Variants in MAP4K3 observed in about 807,000 individuals in gnomAD.
MAP4K3 encodes MAPK/ERK kinase kinase kinase 3.
A neutral mutation model predicts 143.5 loss-of-function variants in MAP4K3; 94 were observed. The observed-to-expected ratio is 0.65, with a 90% CI of 0.55 to 0.78. The LOEUF (loss-of-function observed/expected upper bound fraction) is 0.78. Ranked by LOEUF, MAP4K3 falls within the 30% of genes least tolerant of loss-of-function variation. The probability of loss-of-function intolerance (pLI) is 0.00; values close to 1 mark genes in which losing one functional copy is unlikely to be tolerated. For synonymous variants in MAP4K3, 416 were observed against 347.2 expected (o/e 1.20, Z -2.20); for missense variants, 1,077 against 1,068.1 (o/e 1.01, Z -0.12).
intron 16 of MAP4K3, among the ~76,000 whole-genome samples, chr2:39,298,705 T>C (rs543264295): frequency 6.6e-6 from 1 of 152,296 alleles, no homozygotes; most frequent in South Asian, 2.1e-4. Flanking sequence ...GGCTCACACC[T>C]GTAATCTTAG....
chr2:39,369,193 G>GTTTTTTTTTTT (rs1553419595), intron 2 of MAP4K3, among the ~76,000 whole-genome samples: 2 of 37,968 alleles, frequency 5.3e-5, no homozygotes, highest in African/African-American at 1.2e-4. Context: ...CTTTGGGCTA[G>GTTTTTTTTTTT]TTTTTTTTTT....
At position 39,437,138 on chromosome 2, in the gene MAP4K3, C is replaced by G; in HGVS notation, c.-151G>C. ...ACGCTGCGGCCGCCGCCGCCGCCGC[C>G]GCTCCCCTCACGCCGCTGCGGACGA... On this transcript the variant is annotated 5_prime_UTR_variant, in exon 1 of 34. Coordinates refer to ENST00000263881, the MANE Select transcript of MAP4K3 (RefSeq NM_003618.4). The G allele has an allele frequency of 2.1e-6, 1 of 472,052 alleles. No individual in the cohort carries two copies. The highest frequency in any genetic ancestry group is 3.6e-6 in the Non-Finnish European group (1 of 279,250). The allele number at this position is 472,052 out of a possible 1,614,324, so 29.2% of individuals were successfully genotyped here. A position where few individuals can be genotyped will look rare whatever the true frequency, so the allele number is the denominator to read the frequency against.
At chr2:39,312,328 A>G (rs1309753090) in intron 13 of MAP4K3, among the ~76,000 whole-genome samples, 1 of 152,198 alleles carries the variant, frequency 6.6e-6, no homozygotes, top group Non-Finnish European at 1.5e-5. Flanking sequence ...ACTGAGATAC[A>G]AGCAGAGGAA....
chr2:39,313,837 T>TA, intron 13 of MAP4K3, among the ~76,000 whole-genome samples: 1 of 152,190 alleles, frequency 6.6e-6, no homozygotes, highest in African/African-American at 2.4e-5. Flanking sequence ...TGAAATAGCA[T>TA]ACACATGCAT....
At chr2:39,360,907 T>C (rs1665751829) in intron 2 of MAP4K3, among the ~76,000 whole-genome samples, 2 of 152,138 alleles carry the variant, frequency 1.3e-5, no homozygotes, top group African/African-American at 4.8e-5. Context: ...AAATGAGATT[T>C]GGGTGGGAAC....
intron 1 of MAP4K3, among the ~76,000 whole-genome samples, chr2:39,389,429 C>T (rs1024661235): frequency 2.0e-5 from 3 of 152,086 alleles, no homozygotes; most frequent in African/African-American, 7.2e-5. Context: ...GACAAAACCT[C>T]AGATTCAGAA....
chr2:39,280,962 C>T (rs1422867207), intron 22 of MAP4K3, among the ~76,000 whole-genome samples: 2 of 152,132 alleles, frequency 1.3e-5, no homozygotes, highest in Non-Finnish European at 2.9e-5. Context: ...AGTCCATTTA[C>T]AAACTTTTCA....
intron 2 of MAP4K3, among the ~76,000 whole-genome samples, chr2:39,364,396 T>C (rs757534091): frequency 2.3e-4 from 35 of 152,238 alleles, no homozygotes; most frequent in Non-Finnish European, 1.3e-4. Context: ...AGGTATCATG[T>C]GACGTGTTTT....
chr2:39,410,840 C>A (rs1667214460), intron 1 of MAP4K3, among the ~76,000 whole-genome samples: 1 of 152,136 alleles, frequency 6.6e-6, no homozygotes, highest in Non-Finnish European at 1.5e-5. Flanking sequence ...GGTACAATGA[C>A]ATCAAAGGCA....
At chr2:39,366,458 GTTTCAGACGAAA>G (rs1280749151) in intron 2 of MAP4K3, among the ~76,000 whole-genome samples, 4 of 152,200 alleles carry the variant, frequency 2.6e-5, no homozygotes, top group Non-Finnish European at 4.4e-5. Flanking sequence ...AGACGTAAAT[GTTTCAGACGAAA>G]TTTCAGACGA....
At chr2:39,353,176 T>G (rs968386973) in intron 3 of MAP4K3, among the ~76,000 whole-genome samples, 1 of 152,180 alleles carries the variant, frequency 6.6e-6, no homozygotes, top group Admixed American at 6.5e-5. Context: ...TATACCCCAC[T>G]TCATTTTCTC....
intron 3 of MAP4K3, 146 bp downstream of exon 3, chr2:39,356,103 G>C (rs1357798818): frequency 1.7e-6 from 1 of 582,558 alleles, no homozygotes; most frequent in Non-Finnish European, 3.0e-6. Flanking sequence ...TAGGTCCTAA[G>C]TAAAAATTCC....
At chr2:39,423,759 G>A (rs1328197738) in intron 1 of MAP4K3, among the ~76,000 whole-genome samples, 1 of 152,164 alleles carries the variant, frequency 6.6e-6, no homozygotes, top group African/African-American at 2.4e-5. Flanking sequence ...CCTGGAGTTG[G>A]GCAGAGGAGA....
chr2:39,391,836 G>A lies in MAP4K3; in HGVS notation c.97-13713C>T, dbSNP rs373619951. 7.2e-5 allele frequency among the ~76,000 whole-genome samples: 11 copies of A among 152,186 alleles called. No homozygotes were observed. In the East Asian group the frequency reaches 2.1e-3, roughly 29 times the overall value. The stretch of plus-strand genomic sequence containing the variant: ...GCATTTCTGCACATGGAGTTGGGAG[G>A]AGATGCTCGTAATCTCGCTGGTACA... On this transcript the variant is annotated intron_variant, in intron 1 of 33. Coordinates refer to ENST00000263881, the MANE Select transcript of MAP4K3 (RefSeq NM_003618.4).
chr2:39,404,906 C>A (rs1347272148), intron 1 of MAP4K3, among the ~76,000 whole-genome samples: 4 of 152,108 alleles, frequency 2.6e-5, no homozygotes, highest in Non-Finnish European at 4.4e-5. Flanking sequence ...CAGGCTTGAG[C>A]CACCACACCC....
intron 1 of MAP4K3, among the ~76,000 whole-genome samples, chr2:39,415,718 G>A (rs767031955): frequency 3.3e-5 from 5 of 151,268 alleles, no homozygotes; most frequent in Admixed American, 6.6e-5. Flanking sequence ...TTGGAAGGCC[G>A]AGGTGGGTGG....
intron 26 of MAP4K3, among the ~76,000 whole-genome samples, chr2:39,268,822 T>C (rs1317888657): frequency 6.6e-6 from 1 of 152,024 alleles, no homozygotes; most frequent in Non-Finnish European, 1.5e-5. Context: ...GTACTTTTAG[T>C]AGAGACGGGG....
At chr2:39,276,511 T>C (rs952899931) in intron 24 of MAP4K3, among the ~76,000 whole-genome samples, 2 of 152,214 alleles carry the variant, frequency 1.3e-5, no homozygotes, top group Non-Finnish European at 2.9e-5. Flanking sequence ...TGGAGCTAGC[T>C]TGCCTAGGTT....
chr2:39,264,910 A>T (rs750547292), intron 28 of MAP4K3, among the ~76,000 whole-genome samples: 15 of 152,210 alleles, frequency 9.9e-5, no homozygotes, highest in Non-Finnish European at 2.1e-4. Context: ...GAGTGTATTC[A>T]AAATATTTCA....
Sources: gnomAD v4.1 joint callset for allele counts (sites outside exome capture counted in the v4.1 genomes callset) on GRCh38, gnomAD v4.1.1 for gene constraint, MANE v1.5 for transcripts, NCBI Gene and HGNC (gene_info 2026-07-23, HGNC 2026-07-21) for gene names.